The following XYLT1 variants were observed in gnomAD, a reference collection of about 807,000 sequenced individuals.
XYLT1 encodes the protein beta-D-xylosyltransferase 1.
A neutral mutation model predicts 91.3 loss-of-function variants in XYLT1; 36 were observed. The ratio of observed to expected loss-of-function variants is 0.39; its 90% CI spans 0.30 to 0.52. The LOEUF (loss-of-function observed/expected upper bound fraction) is 0.52. Ranked by LOEUF, XYLT1 falls within the 20% of genes least tolerant of loss-of-function variation. The probability of loss-of-function intolerance (pLI) is 0.68; values close to 1 mark genes in which losing one functional copy is unlikely to be tolerated. For synonymous variants in XYLT1, 588 were observed against 532.0 expected (o/e 1.11, Z -1.45); for missense variants, 1,242 against 1,284.5 (o/e 0.97, Z 0.51).
Position 17,307,019 on chromosome 16 carries a change from A to G in XYLT1, c.403-47521T>C, listed in dbSNP as rs150708798. Among the ~76,000 whole-genome samples the G allele has an allele frequency of 4.7e-4, 71 of 152,282 alleles. 1 individual carries two copies. In the East Asian group the frequency reaches 0.013, roughly 27 times the overall value. ...GCGGTTACTCACTTGTGCTACCTGA[A>G]ATAAATGGACCTGAGAATCTGGTAG... On this transcript the variant is annotated intron_variant, in intron 2 of 11. Transcript: ENST00000261381.
At chr16:17,397,741 T>C (rs1306205138) in intron 1 of XYLT1, among the ~76,000 whole-genome samples, 1 of 152,028 alleles carries the variant, frequency 6.6e-6, no homozygotes, top group Non-Finnish European at 1.5e-5. Flanking sequence ...CCTTTGAGTC[T>C]AGCTCACTGT....
intron 1 of XYLT1, among the ~76,000 whole-genome samples, chr16:17,385,728 T>C (rs544170410): frequency 6.6e-6 from 1 of 151,986 alleles, no homozygotes; most frequent in South Asian, 2.1e-4. Flanking sequence ...ACACCTGTAA[T>C]TGATGAGCTC....
chr16:17,394,273 C>T (rs115244304), intron 1 of XYLT1, among the ~76,000 whole-genome samples: 4,772 of 152,250 alleles, frequency 0.031, 260 homozygotes, highest in African/African-American at 0.11. Context: ...CCTCACTGGA[C>T]GGTACAGGGG....
At chr16:17,399,474 AT>A (rs918985975) in intron 1 of XYLT1, among the ~76,000 whole-genome samples, 2 of 152,172 alleles carry the variant, frequency 1.3e-5, no homozygotes, top group Non-Finnish European at 2.9e-5. Context: ...AGAAAACTCA[AT>A]TTATTTAAGA....
chr16:17,214,926 T>A (rs557254862), intron 3 of XYLT1, among the ~76,000 whole-genome samples: 1 of 152,222 alleles, frequency 6.6e-6, no homozygotes, highest in African/African-American at 2.4e-5. Flanking sequence ...TGTTTCTCGA[T>A]GCTGAGGTAT....
At chr16:17,232,444 T>TATAC (rs2033179065) in intron 3 of XYLT1, among the ~76,000 whole-genome samples, 2 of 125,548 alleles carry the variant, frequency 1.6e-5, no homozygotes, top group African/African-American at 5.6e-5. Context: ...TATATATATA[T>TATAC]ATATACATAT....
chr16:17,456,809 A>G (rs1201632658), intron 1 of XYLT1, among the ~76,000 whole-genome samples: 3 of 152,132 alleles, frequency 2.0e-5, no homozygotes, highest in South Asian at 2.1e-4. Context: ...TACCCTCTCT[A>G]TGCCTCAATT....
intron 2 of XYLT1, among the ~76,000 whole-genome samples, chr16:17,329,466 AGTTCTTT>A (rs2034863726): frequency 6.6e-6 from 1 of 152,170 alleles, no homozygotes; most frequent in African/African-American, 2.4e-5. Context: ...TGGTTTTCTT[AGTTCTTT>A]ATCTATACGG....
At chr16:17,379,389 C>T (rs915627298) in intron 1 of XYLT1, among the ~76,000 whole-genome samples, 1 of 152,176 alleles carries the variant, frequency 6.6e-6, no homozygotes, top group Non-Finnish European at 1.5e-5. Flanking sequence ...TCAGGGAGGC[C>T]GACTAAGAGA....
intron 9 of XYLT1, among the ~76,000 whole-genome samples, chr16:17,133,185 G>A (rs1406265888): frequency 6.6e-6 from 1 of 152,114 alleles, no homozygotes; most frequent in Non-Finnish European, 1.5e-5. Flanking sequence ...CAGTGTCACA[G>A]CCCTGCGGAA....
At chr16:17,458,655 A>G (rs1036630511) in intron 1 of XYLT1, among the ~76,000 whole-genome samples, 3 of 152,188 alleles carry the variant, frequency 2.0e-5, no homozygotes, top group Non-Finnish European at 4.4e-5. Flanking sequence ...GACATTGACC[A>G]AACCTTGGCC....
intron 2 of XYLT1, among the ~76,000 whole-genome samples, chr16:17,293,334 G>A (rs2034258437): frequency 6.6e-6 from 1 of 152,098 alleles, no homozygotes; most frequent in African/African-American, 2.4e-5. Flanking sequence ...TGACCTGGGA[G>A]CATCTCTCTA....
At chr16:17,116,087 C>G (rs6498665) in intron 11 of XYLT1, among the ~76,000 whole-genome samples, 1 of 152,060 alleles carries the variant, frequency 6.6e-6, no homozygotes, top group Non-Finnish European at 1.5e-5. Flanking sequence ...TTATGCTTTA[C>G]AAGTATGGAA....
intron 1 of XYLT1, among the ~76,000 whole-genome samples, chr16:17,452,309 T>TC (rs987084364): frequency 4.1e-5 from 6 of 145,226 alleles, no homozygotes; most frequent in African/African-American, 1.6e-4. Context: ...TTTTTTCTTT[T>TC]TTTTTTTTTT....
intron 2 of XYLT1, among the ~76,000 whole-genome samples, chr16:17,349,851 A>G (rs1317869452): frequency 6.6e-6 from 1 of 152,034 alleles, no homozygotes; most frequent in Non-Finnish European, 1.5e-5. Context: ...ACATCTATTC[A>G]GTGTATGTAA....
At position 17,457,995 on chromosome 16, in the gene XYLT1, ATTAC is replaced by A. The variant is rs2036766823; in HGVS notation, c.363+12435_363+12438del. Among the ~76,000 whole-genome samples the A allele has an allele frequency of 2.0e-5, 3 of 152,342 alleles. No individual in the cohort carries two copies. In the South Asian group the frequency reaches 6.2e-4, roughly 32 times the overall value. On this transcript the variant is annotated intron_variant, in intron 1 of 11. Coordinates refer to ENST00000261381, the MANE Select transcript of XYLT1 (RefSeq NM_022166.4). ...GGATGCTTAATGAGGTAACTGTTGT[ATTAC>A]TTGATCCATCTAGTCTGGTTTTAAT...
At chr16:17,273,815 G>C (rs973694644) in intron 2 of XYLT1, among the ~76,000 whole-genome samples, 8 of 143,592 alleles carry the variant, frequency 5.6e-5, no homozygotes, top group African/African-American at 1.8e-4. Flanking sequence ...CTGCACTCCA[G>C]CCTAGGCGTC....
At chr16:17,258,751 A>G (rs1157269906) in intron 3 of XYLT1, among the ~76,000 whole-genome samples, 8 of 152,206 alleles carry the variant, frequency 5.3e-5, no homozygotes, top group Non-Finnish European at 8.8e-5. Context: ...ATCCTTTGCC[A>G]TAAAGGCAAT....
At chr16:17,467,365 T>C (rs1019939028) in intron 1 of XYLT1, among the ~76,000 whole-genome samples, 2 of 152,216 alleles carry the variant, frequency 1.3e-5, no homozygotes, top group Non-Finnish European at 2.9e-5. Context: ...GGCTGATCCT[T>C]GTGACAGTTC....
Sources: gnomAD v4.1 joint callset for allele counts (sites outside exome capture counted in the v4.1 genomes callset) on GRCh38, gnomAD v4.1.1 for gene constraint, MANE v1.5 for transcripts, NCBI Gene and HGNC (gene_info 2026-07-23, HGNC 2026-07-21) for gene names.